The following NFATC3 variants were observed in gnomAD, a reference collection of about 807,000 sequenced individuals.
NFATC3 encodes nuclear factor of activated T cells 3.
In NFATC3, 46 loss-of-function variants were observed where a neutral mutation model predicts 98.6. The ratio of observed to expected loss-of-function variants is 0.47; its 90% CI spans 0.37 to 0.60. NFATC3 has a LOEUF of 0.60. Among genes scored for constraint, NFATC3 ranks in the 20% least tolerant of loss-of-function variants. The pLI, the probability that NFATC3 is intolerant of heterozygous loss-of-function variation, is 0.00. For synonymous variants in NFATC3, 512 were observed against 472.2 expected (o/e 1.08, Z -1.09); for missense variants, 1,256 against 1,295.5 (o/e 0.97, Z 0.47).
At chr16:68,170,053 A>C (rs1648374724) in intron 5 of NFATC3, among the ~76,000 whole-genome samples, 1 of 151,972 alleles carries the variant, frequency 6.6e-6, no homozygotes, top group Non-Finnish European at 1.5e-5. Context: ...CTCAAAAATA[A>C]ATAAAAAATA....
At chr16:68,214,550 C>T in intron 9 of NFATC3, 2 of 751,862 alleles carry the variant, frequency 2.7e-6, no homozygotes, top group African/African-American at 1.7e-5. Flanking sequence ...TCTGGTAGGC[C>T]CACTCATTAT....
At chr16:68,213,080 T>G (rs2041483268) in intron 9 of NFATC3, among the ~76,000 whole-genome samples, 1 of 149,800 alleles carries the variant, frequency 6.7e-6, no homozygotes, top group Non-Finnish European at 1.5e-5. Flanking sequence ...ATTACAGGTG[T>G]GAGCCACCAT....
At chr16:68,225,485 C>G (rs570332289) in intron 9 of NFATC3, 8 of 152,326 alleles carry the variant, frequency 5.3e-5, no homozygotes, top group Admixed American at 5.2e-4. Context: ...ATCAGAACTT[C>G]ATTACATCTC....
intron 9 of NFATC3, chr16:68,217,767 G>T: frequency 8.1e-7 from 1 of 1,231,644 alleles, no homozygotes; most frequent in East Asian, 3.2e-5. Context: ...CCGAGGAAGG[G>T]ATGGGAAAAA....
At chr16:68,190,485 G>T (rs763693781) in intron 8 of NFATC3, among the ~76,000 whole-genome samples, 1 of 152,112 alleles carries the variant, frequency 6.6e-6, no homozygotes, top group African/African-American at 2.4e-5. Flanking sequence ...TAATTCTGTC[G>T]CTTAGTCACC....
chr16:68,136,964 A>G (rs996092763), intron 3 of NFATC3, among the ~76,000 whole-genome samples: 1 of 152,234 alleles, frequency 6.6e-6, no homozygotes, highest in Non-Finnish European at 1.5e-5. Context: ...TGGAGCTTGT[A>G]GGACTGGAAG....
chr16:68,111,242 G>GT (rs1434509996), intron 1 of NFATC3, among the ~76,000 whole-genome samples: 2 of 152,164 alleles, frequency 1.3e-5, no homozygotes, highest in African/African-American at 4.8e-5. Flanking sequence ...TCCCACTATT[G>GT]TTGTGTGGGA....
intron 3 of NFATC3, among the ~76,000 whole-genome samples, chr16:68,136,018 G>C (rs999783203): frequency 1.3e-5 from 2 of 151,876 alleles, no homozygotes; most frequent in African/African-American, 4.8e-5. Flanking sequence ...AGCCGAGATC[G>C]CGTCATTGCA....
At chr16:68,178,381 C>A (rs1012845685) in intron 6 of NFATC3, among the ~76,000 whole-genome samples, 3 of 152,136 alleles carry the variant, frequency 2.0e-5, no homozygotes, top group Admixed American at 6.5e-5. Flanking sequence ...CTGACCCATA[C>A]CCTGCCTGTC....
chr16:68,201,832 C>T (rs1430669962), intron 9 of NFATC3, among the ~76,000 whole-genome samples: 1 of 118,226 alleles, frequency 8.5e-6, no homozygotes, highest in Non-Finnish European at 1.9e-5. Flanking sequence ...ATGGTGCATG[C>T]CTGTAGTCCC....
At chr16:68,172,764 T>C (rs939612440) in intron 5 of NFATC3, among the ~76,000 whole-genome samples, 4 of 152,148 alleles carry the variant, frequency 2.6e-5, no homozygotes, top group Non-Finnish European at 4.4e-5. Flanking sequence ...TTGGTGACAG[T>C]GCATGACCGT....
At chr16:68,205,610 AT>A (rs1382205904) in intron 9 of NFATC3, among the ~76,000 whole-genome samples, 1 of 152,196 alleles carries the variant, frequency 6.6e-6, no homozygotes, top group African/African-American at 2.4e-5. Context: ...GTTAAAAAAA[AT>A]CTGTCTTCTA....
At chr16:68,195,624 C>T (rs1268554410) in intron 9 of NFATC3, among the ~76,000 whole-genome samples, 1 of 151,874 alleles carries the variant, frequency 6.6e-6, no homozygotes, top group African/African-American at 2.4e-5. Context: ...CTGGCTAACA[C>T]GGTGAAACCC....
chr16:68,136,040 G>A (rs981208151), intron 3 of NFATC3, among the ~76,000 whole-genome samples: 6 of 152,048 alleles, frequency 3.9e-5, no homozygotes, highest in African/African-American at 1.4e-4. Context: ...TCCAGCCTGG[G>A]CAACAAGAGT....
chr16:68,203,501 C>T (rs979259021), intron 9 of NFATC3, among the ~76,000 whole-genome samples: 4 of 151,872 alleles, frequency 2.6e-5, no homozygotes, highest in African/African-American at 7.3e-5. Flanking sequence ...GGTGTGGTGG[C>T]GTGTGCCTAT....
intron 6 of NFATC3, among the ~76,000 whole-genome samples, chr16:68,176,394 C>G (rs1412157742): frequency 6.7e-6 from 1 of 149,130 alleles, no homozygotes; most frequent in Non-Finnish European, 1.5e-5. Context: ...GATATTGCCT[C>G]TATTCTTTGA....
intron 4 of NFATC3, among the ~76,000 whole-genome samples, chr16:68,162,827 G>A (rs1179342456): frequency 6.6e-6 from 1 of 151,784 alleles, no homozygotes; most frequent in Non-Finnish European, 1.5e-5. Flanking sequence ...CAATAGTGGA[G>A]GGAAGGTCAG....
chr16:68,181,559 A>T (rs1287625765), intron 7 of NFATC3, 29 bp downstream of exon 7: 1 of 1,454,378 alleles, frequency 6.9e-7, no homozygotes, highest in East Asian at 2.3e-5. Context: ...TTCTTAAGAA[A>T]TATTTAAGAC....
chr16:68,207,054 T>C (rs1269683955), intron 9 of NFATC3, among the ~76,000 whole-genome samples: 6 of 148,114 alleles, frequency 4.1e-5, no homozygotes, highest in Admixed American at 3.4e-4. Flanking sequence ...CTCACGCCTG[T>C]AATCCCAGCA....
Sources: gnomAD v4.1 joint callset for allele counts (sites outside exome capture counted in the v4.1 genomes callset) on GRCh38, gnomAD v4.1.1 for gene constraint, MANE v1.5 for transcripts, NCBI Gene and HGNC (gene_info 2026-07-23, HGNC 2026-07-21) for gene names.